The following FLT1 variants were observed in gnomAD, a reference collection of about 807,000 sequenced individuals.
FLT1 encodes the protein fms related receptor tyrosine kinase 1, also known as vascular endothelial growth factor receptor 1.
A neutral mutation model predicts 156.3 loss-of-function variants in FLT1; 49 were observed. The ratio of observed to expected loss-of-function variants is 0.31; its 90% CI spans 0.25 to 0.40. FLT1 has a LOEUF of 0.40. Ranked by LOEUF, FLT1 falls within the 10% of genes least tolerant of loss-of-function variation. The pLI is 1.00. For synonymous variants in FLT1, 594 were observed against 583.8 expected (o/e 1.02, Z -0.25); for missense variants, 1,322 against 1,637.2 (o/e 0.81, Z 3.32).
In FLT1 at chr13:28,434,164, C is replaced by T; in HGVS notation, c.570G>A (p.Lys190=). 3.7e-6 allele frequency: 6 copies of T among 1,614,052 alleles called. No individual in the cohort carries two copies. Among genetic ancestry groups the T allele is most frequent in the Non-Finnish European group, 3.4e-6 (4 of 1,180,012 alleles). The part of the protein sequence containing the change: ...DGKRIIWDSR[K]GFIISNATYK... ...ACGTTGCATTTGATATGATGAAGCC[C>T]TTTCTACTGTCCCAGATTATGCGTT... The change falls in exon 5 of 30, where the codon AAG becomes AAA. Residue 190 remains lysine, a synonymous_variant. Transcript: ENST00000282397.
intron 14 of FLT1, among the ~76,000 whole-genome samples, chr13:28,383,149 A>G (rs1464330019): frequency 6.6e-6 from 1 of 152,140 alleles, no homozygotes; most frequent in African/African-American, 2.4e-5. Flanking sequence ...CAGTGTTTAT[A>G]CTTATTGGTT....
At chr13:28,335,325 C>T (rs1872077545) in intron 17 of FLT1, among the ~76,000 whole-genome samples, 1 of 152,036 alleles carries the variant, frequency 6.6e-6, no homozygotes, top group Admixed American at 6.6e-5. Flanking sequence ...TAACACAACC[C>T]CTCCTTTCCC....
chr13:28,484,890 C>A (rs984284616), intron 1 of FLT1, among the ~76,000 whole-genome samples: 4 of 139,418 alleles, frequency 2.9e-5, no homozygotes, highest in Non-Finnish European at 6.0e-5. Flanking sequence ...GAGGACCGTA[C>A]CTCTCGGGAC....
At chr13:28,364,094 G>T (rs962462161) in intron 14 of FLT1, among the ~76,000 whole-genome samples, 2 of 152,090 alleles carry the variant, frequency 1.3e-5, no homozygotes, top group African/African-American at 2.4e-5. Flanking sequence ...TTTTGTCAAC[G>T]ATTTTAGGGT....
chr13:28,488,234 C>G (rs1424637339), intron 1 of FLT1, among the ~76,000 whole-genome samples: 1 of 151,982 alleles, frequency 6.6e-6, no homozygotes, highest in Admixed American at 6.6e-5. Flanking sequence ...CCTGTCTCTA[C>G]AAAAAACACA....
At chr13:28,348,420 G>A (rs1336592015) in intron 15 of FLT1, among the ~76,000 whole-genome samples, 1 of 151,972 alleles carries the variant, frequency 6.6e-6, no homozygotes, top group Non-Finnish European at 1.5e-5. Flanking sequence ...CTTCAGTCAC[G>A]CCACAGTTCT....
intron 1 of FLT1, among the ~76,000 whole-genome samples, chr13:28,469,080 C>T (rs11840289): frequency 0.027 from 4,148 of 152,266 alleles, 180 homozygotes; most frequent in African/African-American, 0.095. Context: ...CTCCTCCCCT[C>T]TTCCCAGGCA....
At chr13:28,315,602 A>G (rs1871169795) in intron 25 of FLT1, among the ~76,000 whole-genome samples, 1 of 151,106 alleles carries the variant, frequency 6.6e-6, no homozygotes, top group South Asian at 2.1e-4. Context: ...CATACTATTT[A>G]GAATTTATAT....
At chr13:28,327,901 C>T (rs1287930400) in intron 19 of FLT1, among the ~76,000 whole-genome samples, 1 of 152,106 alleles carries the variant, frequency 6.6e-6, no homozygotes, top group African/African-American at 2.4e-5. Flanking sequence ...GCGAGTAGAG[C>T]GGCTTCTGGT....
chr13:28,360,273 T>A (rs1873064096), intron 14 of FLT1, among the ~76,000 whole-genome samples: 1 of 152,310 alleles, frequency 6.6e-6, no homozygotes, highest in East Asian at 1.9e-4. Flanking sequence ...TGGAAAACCA[T>A]ATGGAGCCTC....
At chr13:28,312,160 A>C in intron 25 of FLT1, 62 bp from the exon 26 acceptor site, 1 of 997,390 alleles carries the variant, frequency 1.0e-6, no homozygotes. Context: ...GCATTGCCTT[A>C]CGTACTACAA....
intron 11 of FLT1, among the ~76,000 whole-genome samples, chr13:28,402,932 A>G (rs1332042206): frequency 1.3e-5 from 2 of 151,910 alleles, no homozygotes; most frequent in Admixed American, 1.3e-4. Context: ...TGGGATTACC[A>G]CTACGCCCGG....
At chr13:28,308,774 T>G in intron 28 of FLT1, 69 bp downstream of exon 28, 1 of 923,058 alleles carries the variant, frequency 1.1e-6, no homozygotes, top group South Asian at 1.3e-5. Flanking sequence ...TTACTGGCGT[T>G]GGTGTTTGGA....
intron 3 of FLT1, among the ~76,000 whole-genome samples, chr13:28,441,300 AG>A (rs1217570270): frequency 6.6e-6 from 1 of 152,214 alleles, no homozygotes; most frequent in Non-Finnish European, 1.5e-5. Context: ...AGGAAAAATC[AG>A]GGGAAAATAA....
At chr13:28,434,361 T>C in intron 4 of FLT1, 141 bp from the exon 5 acceptor site, 2 of 755,456 alleles carry the variant, frequency 2.6e-6, no homozygotes, top group East Asian at 2.7e-5. Flanking sequence ...ACAAACTAGG[T>C]TAAAAACTCT....
chr13:28,323,047 T>TTTCACTTCTCAAA (rs1406521311), intron 20 of FLT1, 101 bp from the exon 21 acceptor site: 1 of 1,269,508 alleles, frequency 7.9e-7, no homozygotes, highest in African/African-American at 1.5e-5. Context: ...AATGAGAGCG[T>TTTCACTTCTCAAA]TTCACTTCTC....
chr13:28,431,153 G>A lies in FLT1; in HGVS notation c.971C>T (p.Thr324Ile). ...ATGCTTACCATATATATGCACTGAG[G>A]TGTTAACAGATTTGAATGATGGTCC... ...RSGPSFKSVN[T>I]SVHIYDKAFI... Residue 324 changes from threonine to isoleucine, a missense_variant, in exon 7 of 30, where the codon ACC becomes ATC. By Grantham distance (89) the Thr-to-Ile change is moderately conservative (BLOSUM62 -1). Around this residue, in one of 3 missense-constraint regions of FLT1, gnomAD observed 991 missense variants for 1,254.8 expected, o/e 0.79. Transcript: ENST00000282397. 6.2e-7 allele frequency: 1 copy of A among 1,613,348 alleles called. No individual in the cohort carries two copies. Among genetic ancestry groups the A allele is most frequent in the Non-Finnish European group, 8.5e-7 (1 of 1,179,304 alleles).
chr13:28,448,723 T>C (rs112854412), intron 3 of FLT1, among the ~76,000 whole-genome samples: 1,906 of 152,330 alleles, frequency 0.013, 37 homozygotes, highest in African/African-American at 0.042. Flanking sequence ...CACTGAATCA[T>C]CATTTTAAAT....
intron 1 of FLT1, among the ~76,000 whole-genome samples, chr13:28,469,421 A>G (rs1333906547): frequency 6.6e-6 from 1 of 152,150 alleles, no homozygotes; most frequent in Non-Finnish European, 1.5e-5. Flanking sequence ...CAGTTAGAAG[A>G]TCTGCGTTTG....
Sources: allele counts gnomAD v4.1 joint callset (sites outside exome capture counted in the v4.1 genomes callset), GRCh38; gene constraint gnomAD v4.1.1; regional missense constraint gnomAD v4.1.1; transcripts MANE v1.5; gene names NCBI Gene and HGNC (gene_info 2026-07-23, HGNC 2026-07-21).